Variants in CHRNA7 observed in about 807,000 individuals in gnomAD.
CHRNA7 encodes the protein cholinergic receptor nicotinic alpha 7 subunit, also known as neuronal acetylcholine receptor subunit alpha-7.
A neutral mutation model predicts 48.0 loss-of-function variants in CHRNA7; 17 were observed. The observed-to-expected ratio is 0.35, with a 90% confidence interval of 0.24 to 0.53. CHRNA7 has a LOEUF of 0.53. Among genes scored for constraint, CHRNA7 ranks in the 20% least tolerant of loss-of-function variants. The pLI is 0.92. For synonymous variants in CHRNA7, 75 were observed against 242.3 expected, an observed-to-expected ratio of 0.31 and a Z score of 6.41; for missense variants, 155 against 577.7, an observed-to-expected ratio of 0.27 and a Z score of 7.50.
At chr15:32,058,480 G>A (rs936997368) in intron 2 of CHRNA7, among the ~76,000 whole-genome samples, 4 of 152,200 alleles carry the variant, frequency 2.6e-5, no homozygotes, top group Non-Finnish European at 5.9e-5. Flanking sequence ...GCACAAGGCA[G>A]CTTCCTGGAT....
chr15:32,104,272 GC>G (rs908692238), intron 3 of CHRNA7, among the ~76,000 whole-genome samples: 1 of 150,824 alleles, frequency 6.6e-6, no homozygotes, highest in Admixed American at 6.6e-5. Flanking sequence ...CCGAGCCCGT[GC>G]CCCCCCCTCA....
At chr15:32,124,671 C>T (rs1295884966) in intron 4 of CHRNA7, among the ~76,000 whole-genome samples, 1 of 122,530 alleles carries the variant, frequency 8.2e-6, no homozygotes, top group East Asian at 2.7e-4. Flanking sequence ...AGAGATAAGG[C>T]AAAGATGAGA....
intron 2 of CHRNA7, among the ~76,000 whole-genome samples, chr15:32,045,788 A>C (rs991471886): frequency 6.7e-6 from 1 of 149,560 alleles, no homozygotes; most frequent in African/African-American, 2.5e-5. Flanking sequence ...ATTTAGCATT[A>C]GGTATATCTC....
chr15:32,132,655 G>C (rs954957276), intron 4 of CHRNA7, among the ~76,000 whole-genome samples: 2 of 152,170 alleles, frequency 1.3e-5, no homozygotes, highest in Non-Finnish European at 2.9e-5. Flanking sequence ...ACATGGCAGA[G>C]AGAAAGAGAG....
chr15:32,108,824 A>G (rs2050715314), intron 3 of CHRNA7, among the ~76,000 whole-genome samples: 1 of 152,098 alleles, frequency 6.6e-6, no homozygotes, highest in African/African-American at 2.4e-5. Flanking sequence ...TGCTGCACAC[A>G]TTATCTCATC....
intron 4 of CHRNA7, among the ~76,000 whole-genome samples, chr15:32,137,054 A>AAG (rs2051281244): frequency 4.0e-5 from 6 of 150,126 alleles, no homozygotes; most frequent in African/African-American, 1.2e-4. Flanking sequence ...AAAGAAAAAA[A>AAG]AAAGAAAACA....
intron 4 of CHRNA7, among the ~76,000 whole-genome samples, chr15:32,137,340 C>T (rs867979242): frequency 1.3e-5 from 2 of 151,280 alleles, no homozygotes; most frequent in Non-Finnish European, 2.9e-5. Context: ...ACAACACCCC[C>T]CCCCCACACA....
chr15:32,137,010 C>G (rs1321288127), intron 4 of CHRNA7, among the ~76,000 whole-genome samples: 4 of 109,714 alleles, frequency 3.6e-5, no homozygotes, highest in Admixed American at 2.7e-4. Context: ...CCAGCCTGGG[C>G]GACAGAGCGA....
chr15:32,140,434 C>G (rs1461914226), intron 4 of CHRNA7, among the ~76,000 whole-genome samples: 1 of 152,188 alleles, frequency 6.6e-6, no homozygotes, highest in Non-Finnish European at 1.5e-5. Context: ...TGGGTATATA[C>G]CCAGTAATGG....
At chr15:32,075,605 C>T (rs1482085276) in intron 2 of CHRNA7, among the ~76,000 whole-genome samples, 1 of 152,004 alleles carries the variant, frequency 6.6e-6, no homozygotes, top group Admixed American at 6.6e-5. Flanking sequence ...TTATTAGTCT[C>T]GCTAAAGGTT....
Position 32,148,943 on chromosome 15 carries a change from A to C in CHRNA7, c.351-4964A>C, listed in dbSNP as rs1429075154. ...CTATGCAGACACCTCTCCTCCTCCT[A>C]CCCCCGCTAAGGACACGTAGCTTGC... On this transcript the variant is annotated intron_variant, in intron 4 of 9. Coordinates refer to ENST00000306901, the MANE Select transcript of CHRNA7 (RefSeq NM_000746.6). 2.0e-5 allele frequency among the ~76,000 whole-genome samples: 3 copies of C among 151,334 alleles called. No homozygotes were observed. The South Asian group carries it at 6.3e-4, about 32-fold the overall frequency.
intron 2 of CHRNA7, among the ~76,000 whole-genome samples, chr15:32,044,817 A>G (rs550833081): frequency 3.9e-5 from 6 of 152,368 alleles, no homozygotes; most frequent in Admixed American, 3.3e-4. Flanking sequence ...CCTATAGTGC[A>G]TAGGGTGACT....
In CHRNA7 at chr15:32,168,535, TC is replaced by T; in HGVS notation, c.*79del. ...GCTTGGCGAGATTTGGGGGTGCTAATCCAGGACAGCATTACACGCCACAACT... is the reference window on the plus strand; with the variant it reads ...GCTTGGCGAGATTTGGGGGTGCTAATCAGGACAGCATTACACGCCACAACT... On this transcript the variant is annotated 3_prime_UTR_variant, in exon 10 of 10. Coordinates refer to ENST00000306901, the MANE Select transcript of CHRNA7 (RefSeq NM_000746.6). 1 of 418,044 alleles carries T rather than the reference TC, an allele frequency of 2.4e-6. No homozygotes were observed. Among genetic ancestry groups the T allele is most frequent in the South Asian group, 2.2e-5 (1 of 44,924 alleles). 25.9% of individuals were successfully genotyped at this position (418,044 alleles called of 1,614,324 possible).
chr15:32,048,413 C>T (rs80231795), intron 2 of CHRNA7, among the ~76,000 whole-genome samples: 5,446 of 152,136 alleles, frequency 0.036, 140 homozygotes, highest in Middle Eastern at 0.1. Flanking sequence ...GTGTATGTGT[C>T]GAGGAATTTA....
At chr15:32,070,470 A>C (rs1331711327) in intron 2 of CHRNA7, among the ~76,000 whole-genome samples, 1 of 152,042 alleles carries the variant, frequency 6.6e-6, no homozygotes, top group African/African-American at 2.4e-5. Context: ...AAAAGTTTTT[A>C]ATTTTCATAC....
intron 4 of CHRNA7, among the ~76,000 whole-genome samples, chr15:32,129,254 G>A (rs1437346709): frequency 6.6e-6 from 1 of 151,808 alleles, no homozygotes; most frequent in Non-Finnish European, 1.5e-5. Flanking sequence ...TCTTTGTCTA[G>A]TTTTGGTTAT....
chr15:32,146,339 G>C (rs1422701803), intron 4 of CHRNA7, among the ~76,000 whole-genome samples: 1 of 152,146 alleles, frequency 6.6e-6, no homozygotes, highest in Non-Finnish European at 1.5e-5. Context: ...TGAAACATTA[G>C]AAGTTTCTAA....
At chr15:32,158,762 A>AC in intron 7 of CHRNA7, 156 bp downstream of exon 7, 1 of 587,354 alleles carries the variant, frequency 1.7e-6, no homozygotes, top group East Asian at 3.0e-5. Context: ...TGGCTCCAGG[A>AC]CACCAGAGGT....
intron 4 of CHRNA7, among the ~76,000 whole-genome samples, chr15:32,122,375 T>C (rs1461234667): frequency 2.0e-5 from 3 of 152,224 alleles, no homozygotes; most frequent in Non-Finnish European, 4.4e-5. Flanking sequence ...CAAATTAGTC[T>C]AGAAATGATT....
Sources: gnomAD v4.1 joint callset for allele counts (sites outside exome capture counted in the v4.1 genomes callset) on GRCh38, gnomAD v4.1.1 for gene constraint, MANE v1.5 for transcripts, NCBI Gene and HGNC (gene_info 2026-07-23, HGNC 2026-07-21) for gene names.